Variants in MTF2 observed in about 807,000 individuals in gnomAD.
The protein encoded by MTF2 is metal-response element-binding transcription factor 2.
A neutral mutation model predicts 79.5 loss-of-function variants in MTF2; 11 were observed. That is an observed-to-expected ratio of 0.14 (90% CI 0.09 to 0.23). The LOEUF is 0.23. Ranked by LOEUF, MTF2 falls within the 10% of genes least tolerant of loss-of-function variation. MTF2 has a pLI of 1.00. For missense variants in MTF2, 486 were observed against 711.2 expected (o/e 0.68, Z 3.60); for synonymous variants, 208 against 232.8 (o/e 0.89, Z 0.97).
intron 1 of MTF2, among the ~76,000 whole-genome samples, chr1:93,102,194 A>G (rs939914883): frequency 1.3e-5 from 2 of 152,226 alleles, no homozygotes; most frequent in African/African-American, 4.8e-5. Context: ...TGCAATATGT[A>G]TAAGAAAGGG....
chr1:93,104,895 G>A (rs1655701980), intron 1 of MTF2, among the ~76,000 whole-genome samples: 2 of 151,984 alleles, frequency 1.3e-5, no homozygotes, highest in Admixed American at 6.6e-5. Flanking sequence ...GGTGGCTCAC[G>A]CCTGTAATCC....
At chr1:93,129,087 C>T in intron 10 of MTF2, 191 bp from the exon 11 acceptor site, 1 of 397,478 alleles carries the variant, frequency 2.5e-6, no homozygotes. Flanking sequence ...CCTATCCCTT[C>T]CTCCCCATCA....
chr1:93,121,222 C>G, intron 9 of MTF2: 1 of 964,756 alleles, frequency 1.0e-6, no homozygotes, highest in Non-Finnish European at 1.2e-6. Flanking sequence ...ACTACCTATG[C>G]TGGTTTACAG....
intron 1 of MTF2, among the ~76,000 whole-genome samples, chr1:93,086,312 G>A (rs1374362028): frequency 6.6e-6 from 1 of 151,830 alleles, no homozygotes; most frequent in African/African-American, 2.4e-5. Flanking sequence ...GAGACCAGCT[G>A]GGCCAACATA....
rs115922689 is a variant in MTF2, at chr1:93,084,342, A to G, written c.5+4811A>G. On this transcript the variant is annotated intron_variant, in intron 1 of 14. Transcript: ENST00000370298. The stretch of plus-strand genomic sequence containing the variant: ...CTTGGATCCCAGTTTTATTCCATTG[A>G]TTTATGTGTCTGTACTTAGGACTGT... Among the ~76,000 whole-genome samples the G allele has an allele frequency of 7.8e-3, 1,181 of 152,266 alleles. 21 individuals are homozygous for G. Among genetic ancestry groups the G allele is most frequent in the African/African-American group, 0.027 (1,128 of 41,538 alleles).
intron 9 of MTF2, chr1:93,121,581 T>G (rs560248127): frequency 1.9e-5 from 19 of 978,948 alleles, no homozygotes; most frequent in Middle Eastern, 5.3e-4. Context: ...TTTTGGGGGT[T>G]TATGGGATAT....
intron 1 of MTF2, among the ~76,000 whole-genome samples, chr1:93,108,701 C>T (rs1392556197): frequency 1.4e-5 from 2 of 144,150 alleles, no homozygotes; most frequent in African/African-American, 2.6e-5. Context: ...ATTTGTTGAG[C>T]TGCTTGGATG....
chr1:93,123,615 T>G (rs1174901822), intron 9 of MTF2, among the ~76,000 whole-genome samples: 2 of 152,068 alleles, frequency 1.3e-5, no homozygotes, highest in Non-Finnish European at 2.9e-5. Flanking sequence ...ATCCCTGAAC[T>G]TTGAATTATA....
chr1:93,103,063 C>T (rs1025408516), intron 1 of MTF2, among the ~76,000 whole-genome samples: 2 of 151,070 alleles, frequency 1.3e-5, no homozygotes, highest in Non-Finnish European at 3.0e-5. Flanking sequence ...ACCCGGGAGG[C>T]AGAGGTTGCA....
chr1:93,137,024 C>T lies in MTF2; in HGVS notation c.1779C>T (p.Ser593=). 6.2e-7 allele frequency: 1 copy of T among 1,612,200 alleles called. No individual in the cohort carries two copies. Among genetic ancestry groups the T allele is most frequent in the Non-Finnish European group, 8.5e-7 (1 of 1,178,708 alleles). ...TGGAATGGGAAGGAGCAACTGCATC[C>T]TGACTGTAGGACTGAACATTATGTT... The part of the protein sequence containing the change: ...YLVEWEGATA[S] The change falls in exon 15 of 15, where the codon TCC becomes TCT. Residue 593 remains serine, a synonymous_variant. Coordinates refer to ENST00000370298, the MANE Select transcript of MTF2 (RefSeq NM_007358.4).
chr1:93,121,568 G>A, intron 9 of MTF2: 1 of 980,362 alleles, frequency 1.0e-6, no homozygotes, highest in Non-Finnish European at 1.2e-6. Context: ...ATATCAAAGG[G>A]CTTTTTGGGG....
intron 3 of MTF2, among the ~76,000 whole-genome samples, chr1:93,112,587 T>C (rs1656073436): frequency 6.6e-6 from 1 of 152,188 alleles, no homozygotes; most frequent in African/African-American, 2.4e-5. Flanking sequence ...TTTATAATTA[T>C]CTAATAGACT....
At chr1:93,116,019 A>G (rs983873806) in intron 6 of MTF2, among the ~76,000 whole-genome samples, 1 of 152,198 alleles carries the variant, frequency 6.6e-6, no homozygotes, top group Non-Finnish European at 1.5e-5. Flanking sequence ...TTTAAGACAT[A>G]AAATCAACAT....
intron 3 of MTF2, among the ~76,000 whole-genome samples, chr1:93,111,088 T>G (rs2101058183): frequency 6.6e-6 from 1 of 152,280 alleles, no homozygotes; most frequent in Non-Finnish European, 1.5e-5. Flanking sequence ...TATGTTTAAA[T>G]GGGAAAATGA....
chr1:93,123,416 AT>A (rs2101079280), intron 9 of MTF2, among the ~76,000 whole-genome samples: 2 of 152,086 alleles, frequency 1.3e-5, no homozygotes, highest in South Asian at 4.2e-4. Context: ...TGCTCTAGAA[AT>A]TTATCTTCAA....
chr1:93,129,484 G>T, intron 11 of MTF2, 36 bp downstream of exon 11: 1 of 1,421,586 alleles, frequency 7.0e-7, no homozygotes, highest in Admixed American at 2.4e-5. Context: ...TTTCTCTTTA[G>T]CTTATTTGTA....
chr1:93,110,855 C>T (rs1195023083), intron 3 of MTF2, among the ~76,000 whole-genome samples: 1 of 152,070 alleles, frequency 6.6e-6, no homozygotes, highest in African/African-American at 2.4e-5. Context: ...ATGTTAAGAC[C>T]CTTCTAAGAA....
chr1:93,104,215 C>T (rs1489446008), intron 1 of MTF2, among the ~76,000 whole-genome samples: 2 of 150,384 alleles, frequency 1.3e-5, no homozygotes, highest in South Asian at 2.1e-4. Context: ...GCTAGGATTA[C>T]AGGTGTGAGC....
intron 3 of MTF2, among the ~76,000 whole-genome samples, chr1:93,113,863 A>T (rs1475966677): frequency 3.9e-5 from 6 of 152,202 alleles, no homozygotes; most frequent in African/African-American, 1.4e-4. Context: ...CTTGGCCCAT[A>T]GCACAAAATT....
Sources: allele counts gnomAD v4.1 joint callset (sites outside exome capture counted in the v4.1 genomes callset), GRCh38; gene constraint gnomAD v4.1.1; transcripts MANE v1.5; gene names NCBI Gene and HGNC (gene_info 2026-07-23, HGNC 2026-07-21).